The following LDLRAD4 variants were observed in gnomAD, a reference collection of about 807,000 sequenced individuals.
LDLRAD4 encodes low-density lipoprotein receptor class A domain-containing protein 4.
Under a neutral mutation model 17.0 loss-of-function variants are expected in LDLRAD4, and 5 were observed. The observed-to-expected ratio is 0.29, with a 90% CI of 0.15 to 0.62. The LOEUF (loss-of-function observed/expected upper bound fraction) is 0.62, where lower values mean the gene tolerates loss of function less well. Ranked by LOEUF, LDLRAD4 falls within the 20% of genes least tolerant of loss-of-function variation. The pLI is 0.84. For synonymous variants in LDLRAD4, 168 were observed against 171.8 expected (o/e 0.98, Z 0.17); for missense variants, 340 against 424.7 (o/e 0.80, Z 1.75).
intron 3 of LDLRAD4, among the ~76,000 whole-genome samples, chr18:13,601,952 T>C (rs2095168259): frequency 6.6e-6 from 1 of 152,252 alleles, no homozygotes; most frequent in Non-Finnish European, 1.5e-5. Flanking sequence ...GTGGTACATA[T>C]GCACCATGAA....
chr18:13,608,991 G>C (rs1202714853), intron 3 of LDLRAD4, among the ~76,000 whole-genome samples: 3 of 151,132 alleles, frequency 2.0e-5, no homozygotes, highest in South Asian at 2.1e-4. Flanking sequence ...TGCACACACA[G>C]ATGCCTCCTA....
rs73956147 is a variant in LDLRAD4 at position 13,414,515 on chromosome 18, T to C, written c.41-23729T>C. On this transcript the variant is annotated intron_variant, in intron 2 of 5. Transcript: ENST00000359446. ...TTTACAAAGAGGAGTCATGTTTCCA[T>C]TTACTAATTACACGATTAACTGGAG... 8.7e-3 allele frequency among the ~76,000 whole-genome samples: 1,318 copies of C among 152,362 alleles called. 20 individuals are homozygous for C. Among genetic ancestry groups the C allele is most frequent in the African/African-American group, 0.029 (1,212 of 41,590 alleles).
intron 3 of LDLRAD4, among the ~76,000 whole-genome samples, chr18:13,603,060 A>G (rs1393740770): frequency 2.3e-5 from 3 of 132,390 alleles, no homozygotes; most frequent in African/African-American, 5.4e-5. Context: ...ATTTTTATAA[A>G]TATTTAAGTT....
At chr18:13,493,036 T>C (rs1450623456) in intron 3 of LDLRAD4, among the ~76,000 whole-genome samples, 3 of 152,074 alleles carry the variant, frequency 2.0e-5, no homozygotes, top group African/African-American at 7.2e-5. Flanking sequence ...GGAGGATCAC[T>C]TGAAACCAGG....
intron 1 of LDLRAD4, among the ~76,000 whole-genome samples, chr18:13,288,548 T>C (rs147026752): frequency 2.6e-5 from 4 of 152,318 alleles, no homozygotes; most frequent in African/African-American, 9.6e-5. Context: ...GTTAGCGCAA[T>C]ATAGTGACTA....
exon 5 of LDLRAD4, chr18:13,643,393 C>A: frequency 8.2e-7 from 1 of 1,220,754 alleles, no homozygotes; most frequent in Non-Finnish European, 1.0e-6. Flanking sequence ...AGCGCCGCAC[C>A]GCGGCTGGGC....
chr18:13,386,589 C>G (rs370904671), intron 1 of LDLRAD4, among the ~76,000 whole-genome samples: 1 of 152,096 alleles, frequency 6.6e-6, no homozygotes, highest in Non-Finnish European at 1.5e-5. Flanking sequence ...AGGCTGATCT[C>G]GAACTCCTGA....
intron 2 of LDLRAD4, among the ~76,000 whole-genome samples, chr18:13,397,812 T>C (rs549830457): frequency 4.6e-5 from 7 of 152,338 alleles, no homozygotes; most frequent in Non-Finnish European, 7.4e-5. Context: ...TCTACACTCA[T>C]TTTTTTCTTT....
chr18:13,528,290 C>T (rs551362919), intron 3 of LDLRAD4, among the ~76,000 whole-genome samples: 11 of 152,294 alleles, frequency 7.2e-5, no homozygotes, highest in Admixed American at 1.3e-4. Flanking sequence ...CCTGTTAGTC[C>T]TCACAGCAGA....
intron 4 of LDLRAD4, among the ~76,000 whole-genome samples, chr18:13,639,752 T>A (rs946860741): frequency 6.6e-6 from 1 of 152,170 alleles, no homozygotes; most frequent in Non-Finnish European, 1.5e-5. Flanking sequence ...AAAAGTTTCC[T>A]ATAAAAGTAA....
intron 3 of LDLRAD4, 138 bp from the exon 5 acceptor site, chr18:13,620,979 C>T: frequency 8.2e-7 from 1 of 1,215,696 alleles, no homozygotes; most frequent in African/African-American, 1.5e-5. Flanking sequence ...ACAGTCGTTT[C>T]TGTGTCCTGC....
chr18:13,630,675 C>G (rs1212535339), intron 4 of LDLRAD4, among the ~76,000 whole-genome samples: 1 of 152,180 alleles, frequency 6.6e-6, no homozygotes, highest in Non-Finnish European at 1.5e-5. Context: ...TCAGTTTCCC[C>G]CCATCTAAAA....
intron 3 of LDLRAD4, among the ~76,000 whole-genome samples, chr18:13,509,459 T>C (rs2093744422): frequency 6.6e-6 from 1 of 152,342 alleles, no homozygotes; most frequent in East Asian, 1.9e-4. Context: ...AAGTGGAGCC[T>C]GAAGATGTGA....
chr18:13,537,649 C>T (rs1362606625), intron 3 of LDLRAD4, among the ~76,000 whole-genome samples: 1 of 152,092 alleles, frequency 6.6e-6, no homozygotes, highest in African/African-American at 2.4e-5. Flanking sequence ...GGTTGGGGAC[C>T]CCTGCCGTAC....
chr18:13,424,966 A>G (rs570299560), intron 2 of LDLRAD4, among the ~76,000 whole-genome samples: 1 of 152,358 alleles, frequency 6.6e-6, no homozygotes, highest in South Asian at 2.1e-4. Context: ...GAGGAGTGAC[A>G]TGACATTTAT....
At chr18:13,477,344 C>T (rs933124822) in intron 3 of LDLRAD4, among the ~76,000 whole-genome samples, 5 of 152,142 alleles carry the variant, frequency 3.3e-5, no homozygotes, top group East Asian at 1.9e-4. Flanking sequence ...CACGCTCACC[C>T]GAGAAAGCAT....
At chr18:13,545,438 C>T (rs1017378493) in intron 3 of LDLRAD4, among the ~76,000 whole-genome samples, 3 of 152,130 alleles carry the variant, frequency 2.0e-5, no homozygotes, top group Admixed American at 6.5e-5. Context: ...TGAAAATGAT[C>T]AAATATGAAG....
chr18:13,219,953 C>A (rs1315956023), intron 1 of LDLRAD4, among the ~76,000 whole-genome samples: 1 of 152,210 alleles, frequency 6.6e-6, no homozygotes, highest in East Asian at 1.9e-4. Context: ...GTACTCTGCA[C>A]AATTCTTCTG....
intron 1 of LDLRAD4, among the ~76,000 whole-genome samples, chr18:13,267,569 C>T (rs910941103): frequency 2.0e-5 from 3 of 152,196 alleles, no homozygotes; most frequent in Non-Finnish European, 4.4e-5. Flanking sequence ...TGAGATCAGC[C>T]GTCAGTTTTC....
Sources: gnomAD v4.1 joint callset for allele counts (sites outside exome capture counted in the v4.1 genomes callset) on GRCh38, gnomAD v4.1.1 for gene constraint, MANE v1.5 for transcripts, NCBI Gene and HGNC (gene_info 2026-07-23, HGNC 2026-07-21) for gene names.